Variants in RHOH observed in about 807,000 individuals in gnomAD.
RHOH encodes rho-related GTP-binding protein RhoH.
RHOH carries 6 observed loss-of-function variants against 13.8 expected under a neutral mutation model. The ratio of observed to expected loss-of-function variants is 0.44; its 90% confidence interval spans 0.24 to 0.86. RHOH has a LOEUF of 0.86. Among genes scored for constraint, RHOH ranks in the 40% least tolerant of loss-of-function variants. RHOH has a pLI of 0.24. For synonymous variants in RHOH, 117 were observed against 103.0 expected, an observed-to-expected ratio of 1.14 and a Z score of -0.82; for missense variants, 147 against 244.5, an observed-to-expected ratio of 0.60 and a Z score of 2.66.
chr4:40,201,749 G>A (rs1021068218), intron 1 of RHOH, among the ~76,000 whole-genome samples: 4 of 151,896 alleles, frequency 2.6e-5, no homozygotes, highest in South Asian at 2.1e-4. Flanking sequence ...GCAATTTGAC[G>A]ATATGTATCA....
chr4:40,215,051 A>G (rs1234142614), intron 1 of RHOH, among the ~76,000 whole-genome samples: 1 of 152,168 alleles, frequency 6.6e-6, no homozygotes, highest in Non-Finnish European at 1.5e-5. Context: ...AGGGAATCAG[A>G]TTTCTGAGGG....
chr4:40,239,883 A>G (rs1330996598), intron 1 of RHOH, among the ~76,000 whole-genome samples: 1 of 151,670 alleles, frequency 6.6e-6, no homozygotes, highest in Non-Finnish European at 1.5e-5. Context: ...GTCTCAAGAA[A>G]AAAAAAAAAA....
intron 1 of RHOH, among the ~76,000 whole-genome samples, chr4:40,219,293 T>C (rs1009841986): frequency 6.6e-6 from 1 of 151,272 alleles, no homozygotes; most frequent in African/African-American, 2.4e-5. Flanking sequence ...ATGCCTGAAG[T>C]CCCAGCTACA....
At chr4:40,223,726 A>G (rs1161968623) in intron 1 of RHOH, among the ~76,000 whole-genome samples, 2 of 149,480 alleles carry the variant, frequency 1.3e-5, no homozygotes, top group Non-Finnish European at 1.5e-5. Context: ...AAATTAAGCC[A>G]TGTATACTTT....
intron 1 of RHOH, among the ~76,000 whole-genome samples, chr4:40,198,417 C>T (rs1165366423): frequency 6.6e-6 from 1 of 152,212 alleles, no homozygotes; most frequent in Non-Finnish European, 1.5e-5. Context: ...GACACAAAAG[C>T]GAGGACCTTG....
At chr4:40,199,331 G>T (rs1444849258) in intron 1 of RHOH, among the ~76,000 whole-genome samples, 1 of 152,200 alleles carries the variant, frequency 6.6e-6, no homozygotes, top group Non-Finnish European at 1.5e-5. Context: ...AGAGCAAGAA[G>T]CCTGCAAAGC....
At chr4:40,210,095 T>C (rs994854906) in intron 1 of RHOH, among the ~76,000 whole-genome samples, 4 of 140,106 alleles carry the variant, frequency 2.9e-5, no homozygotes, top group Admixed American at 6.8e-5. Context: ...TGTGCGTGTG[T>C]GTGTGTGTGT....
intron 1 of RHOH, among the ~76,000 whole-genome samples, chr4:40,219,031 T>G (rs1726212324): frequency 6.6e-6 from 1 of 152,248 alleles, no homozygotes; most frequent in Admixed American, 6.5e-5. Context: ...TGACTCAATC[T>G]ACTGATAAGG....
chr4:40,238,957 G>C (rs778589403), intron 1 of RHOH, among the ~76,000 whole-genome samples: 16 of 152,100 alleles, frequency 1.1e-4, no homozygotes, highest in Non-Finnish European at 2.2e-4. Context: ...CTCACTCCTG[G>C]ACACATGTGA....
chr4:40,228,118 A>G (rs1025144784), intron 1 of RHOH, among the ~76,000 whole-genome samples: 1 of 152,216 alleles, frequency 6.6e-6, no homozygotes, highest in Admixed American at 6.5e-5. Context: ...CTATATTTAC[A>G]TAATGAAATT....
chr4:40,225,468 C>T (rs1727109744), intron 1 of RHOH, among the ~76,000 whole-genome samples: 1 of 152,124 alleles, frequency 6.6e-6, no homozygotes, highest in South Asian at 2.1e-4. Context: ...AATAAACAGT[C>T]TGTTCCTGAT....
chr4:40,233,499 A>G (rs1176482573), intron 1 of RHOH, among the ~76,000 whole-genome samples: 1 of 152,168 alleles, frequency 6.6e-6, no homozygotes, highest in East Asian at 1.9e-4. Flanking sequence ...TTGGAGCCAA[A>G]CCCAAGCCTG....
At chr4:40,199,596 A>G (rs1723698254) in intron 1 of RHOH, among the ~76,000 whole-genome samples, 2 of 152,158 alleles carry the variant, frequency 1.3e-5, no homozygotes, top group Admixed American at 6.5e-5. Context: ...TCCTTGGTTG[A>G]CGTCGCTCTC....
At chr4:40,232,908 G>A (rs573808108) in intron 1 of RHOH, among the ~76,000 whole-genome samples, 36 of 152,148 alleles carry the variant, frequency 2.4e-4, no homozygotes, top group African/African-American at 8.7e-4. Context: ...TTTAAATGCG[G>A]GGCTCCCAAA....
chr4:40,202,103 A>G (rs1165973508), intron 1 of RHOH, among the ~76,000 whole-genome samples: 7 of 151,816 alleles, frequency 4.6e-5, no homozygotes, highest in Non-Finnish European at 8.8e-5. Context: ...GGCGTGTGCC[A>G]CCACACTTGG....
intron 1 of RHOH, among the ~76,000 whole-genome samples, chr4:40,220,101 T>G (rs1726369960): frequency 6.6e-6 from 1 of 152,096 alleles, no homozygotes; most frequent in Non-Finnish European, 1.5e-5. Flanking sequence ...TTGGCCCCAT[T>G]GTCCCTTTCC....
chr4:40,218,643 A>G lies in RHOH; in HGVS notation c.-331+21343A>G, dbSNP rs1726169415. Among the ~76,000 whole-genome samples, 1 of 152,078 alleles carries G rather than the reference A, an allele frequency of 6.6e-6. No individual in the cohort carries two copies. The highest frequency in any genetic ancestry group is 1.5e-5 in the Non-Finnish European group (1 of 68,006). On this transcript the variant is annotated intron_variant, in intron 1 of 2. Coordinates refer to ENST00000381799, the MANE Select transcript of RHOH (RefSeq NM_004310.5). This position sits in a 1 kb window ranked among gnomAD's most constrained non-coding sequence, Gnocchi z 4.1. ...AGCTTTAGGCTCTCTCTGCTCCTTC[A>G]CCCTTTTCTCTGTTCAAATCTGCTC...
At chr4:40,225,484 C>T (rs975727345) in intron 1 of RHOH, among the ~76,000 whole-genome samples, 9 of 152,052 alleles carry the variant, frequency 5.9e-5, no homozygotes, top group Admixed American at 2.0e-4. Flanking sequence ...CTGATTCTTA[C>T]GCATTGCTAG....
chr4:40,191,416 G>C (rs1034171445), upstream of RHOH: 4 of 152,172 alleles, frequency 2.6e-5, no homozygotes, highest in Non-Finnish European at 4.4e-5. Flanking sequence ...TTGTTTTGTA[G>C]TTTATTAAGC....
Sources: gnomAD v4.1 joint callset for allele counts (sites outside exome capture counted in the v4.1 genomes callset) on GRCh38, gnomAD v4.1.1 for gene constraint, Gnocchi (gnomAD v3.1) non-coding constraint, MANE v1.5 for transcripts, NCBI Gene and HGNC (gene_info 2026-07-23, HGNC 2026-07-21) for gene names.